The following PTK2B variants were observed in gnomAD, a reference collection of about 807,000 sequenced individuals.
PTK2B encodes the protein protein-tyrosine kinase 2-beta.
PTK2B carries 71 observed loss-of-function variants against 142.9 expected under a neutral mutation model. That is an observed-to-expected ratio of 0.50 (90% confidence interval 0.41 to 0.61). The LOEUF (loss-of-function observed/expected upper bound fraction) is 0.61. Ranked by LOEUF, PTK2B falls within the 20% of genes least tolerant of loss-of-function variation. The probability of loss-of-function intolerance (pLI) is 0.00; values close to 1 mark genes in which losing one functional copy is unlikely to be tolerated. For synonymous variants in PTK2B, 519 were observed against 503.4 expected, an observed-to-expected ratio of 1.03 and a Z score of -0.42; for missense variants, 1,105 against 1,320.4, an observed-to-expected ratio of 0.84 and a Z score of 2.53.
chr8:27,375,694 C>T (rs1029565917), intron 1 of PTK2B, among the ~76,000 whole-genome samples: 3 of 152,182 alleles, frequency 2.0e-5, no homozygotes, highest in Non-Finnish European at 4.4e-5. Context: ...CGTGTTCTTT[C>T]CCTGTCCCAT....
At chr8:27,335,595 CAAAAAAAAAA>C (rs900959610) in intron 1 of PTK2B, among the ~76,000 whole-genome samples, 27 of 74,330 alleles carry the variant, frequency 3.6e-4, no homozygotes, top group Admixed American at 7.8e-4. Flanking sequence ...AACACTGTCT[CAAAAAAAAAA>C]AAAAAAAAAG....
Position 27,458,476 on chromosome 8 carries a change from T to G in PTK2B, c.2997T>G (p.Val999=). The part of the protein sequence containing the change: ...NLLDAVDQAK[V]LANLAHPPAE ...TCGACGCTGTGGACCAGGCCAAGGT[T>G]CTGGCCAATCTGGCCCACCCACCTG... Residue 999 remains valine (V), a synonymous_variant, in exon 31 of 31, where the codon GTT becomes GTG. Coordinates refer to ENST00000346049, the MANE Select transcript of PTK2B (RefSeq NM_173176.3). The G allele has an allele frequency of 6.3e-7, 1 of 1,586,592 alleles. No homozygotes were observed. Among genetic ancestry groups the G allele is most frequent in the South Asian group, 1.1e-5 (1 of 87,628 alleles).
chr8:27,440,358 G>C lies in PTK2B; in HGVS notation c.1956G>C (p.Pro652=), dbSNP rs147029499. 3 of 1,614,212 alleles carry C rather than the reference G, an allele frequency of 1.9e-6. No homozygotes were observed. Among genetic ancestry groups the C allele is most frequent in the Middle Eastern group, 1.7e-4 (1 of 6,060 alleles). ...DRLPKPDLCP[P]VLYTLMTRCW... is the part of the protein sequence containing the mutation. ...TGCCCAAGCCTGATCTCTGTCCACC[G>C]GTCCTTTATACCCTCATGACCCGCT... is the stretch of plus-strand genomic sequence containing the variant. The change falls in exon 21 of 31, where the codon CCG becomes CCC. Residue 652 remains proline, a synonymous_variant. Coordinates refer to ENST00000346049, the MANE Select transcript of PTK2B (RefSeq NM_173176.3).
chr8:27,380,634 A>G (rs991161734), intron 1 of PTK2B: 1 of 152,162 alleles, frequency 6.6e-6, no homozygotes, highest in African/African-American at 2.4e-5. Context: ...GCTCTAAAAT[A>G]AGAGACTCAG....
At chr8:27,455,820 G>A (rs1289171839) in intron 30 of PTK2B, among the ~76,000 whole-genome samples, 1 of 152,236 alleles carries the variant, frequency 6.6e-6, no homozygotes, top group Non-Finnish European at 1.5e-5. Flanking sequence ...GTAATTTGTT[G>A]CCAAAGCCAT....
intron 1 of PTK2B, among the ~76,000 whole-genome samples, chr8:27,389,548 G>A (rs958583594): frequency 4.6e-5 from 7 of 152,164 alleles, no homozygotes; most frequent in East Asian, 1.9e-4. Context: ...CTCCTGCCCC[G>A]CAAGACCCCC....
chr8:27,418,293 G>A (rs750516627), intron 2 of PTK2B, among the ~76,000 whole-genome samples: 77 of 152,328 alleles, frequency 5.1e-4, no homozygotes, highest in Non-Finnish European at 9.0e-4. Context: ...CGAGACAGAT[G>A]GGTGCCCAGG....
At chr8:27,321,455 A>G (rs1803215097), upstream of PTK2B, among the ~76,000 whole-genome samples, 1 of 152,224 alleles carries the variant, frequency 6.6e-6, no homozygotes, top group African/African-American at 2.4e-5. Context: ...AAGCAACTTA[A>G]ATTTCTTTCT....
chr8:27,401,645 A>G (rs6999314), intron 2 of PTK2B, among the ~76,000 whole-genome samples: 7,893 of 152,328 alleles, frequency 0.052, 693 homozygotes, highest in African/African-American at 0.18. Flanking sequence ...AAGTTTGGCT[A>G]TTTAAACCAT....
intron 18 of PTK2B, chr8:27,438,087 T>C: frequency 1.9e-6 from 1 of 537,354 alleles, no homozygotes. Context: ...CTCATGGGGT[T>C]GTTACGAGTA....
chr8:27,443,904 C>T lies in PTK2B; in HGVS notation c.2149-302C>T, dbSNP rs561315967. On this transcript the variant is annotated intron_variant, in intron 22 of 30. Transcript: ENST00000346049. ...CTCCTACCTCTGCATGCCTGTGGCT[C>T]TGGAGCTCTGACTTGGTGGGTGCTC... Among the ~76,000 whole-genome samples, 3 of 152,304 alleles carry T rather than the reference C, an allele frequency of 2.0e-5. No homozygotes were observed. In the South Asian group the frequency reaches 6.2e-4, roughly 32 times the overall value.
intron 2 of PTK2B, among the ~76,000 whole-genome samples, chr8:27,312,761 C>T (rs917057498): frequency 1.3e-5 from 2 of 152,152 alleles, no homozygotes; most frequent in Non-Finnish European, 2.9e-5. Flanking sequence ...AGTCTTGAAA[C>T]CTTAAAATAT....
chr8:27,334,720 C>T (rs570591973), intron 1 of PTK2B, among the ~76,000 whole-genome samples: 1 of 152,120 alleles, frequency 6.6e-6, no homozygotes, highest in Non-Finnish European at 1.5e-5. Context: ...ACGGAGTGAG[C>T]CAGACAGCGC....
At chr8:27,415,806 T>C (rs1277572891) in intron 2 of PTK2B, among the ~76,000 whole-genome samples, 3 of 152,204 alleles carry the variant, frequency 2.0e-5, no homozygotes, top group East Asian at 3.8e-4. Flanking sequence ...TATAAACTAC[T>C]TAGAAATAAA....
intron 1 of PTK2B, among the ~76,000 whole-genome samples, chr8:27,349,786 CAACATGCCTAA>C (rs1804937073): frequency 3.3e-5 from 5 of 152,192 alleles, no homozygotes; most frequent in Admixed American, 3.3e-4. Flanking sequence ...AATGAGATTC[CAACATGCCTAA>C]AACCCCCTTA....
At chr8:27,375,663 A>G (rs1181456575) in intron 1 of PTK2B, among the ~76,000 whole-genome samples, 1 of 152,032 alleles carries the variant, frequency 6.6e-6, no homozygotes, top group African/African-American at 2.4e-5. Flanking sequence ...ACCAGACCCC[A>G]CGTCTCCTGC....
intron 1 of PTK2B, among the ~76,000 whole-genome samples, chr8:27,375,727 C>T (rs957359585): frequency 2.6e-5 from 4 of 152,188 alleles, no homozygotes; most frequent in African/African-American, 9.7e-5. Context: ...GAGTGGGCAC[C>T]TCCCTCCTCC....
chr8:27,340,846 C>T (rs1346551166), intron 1 of PTK2B, among the ~76,000 whole-genome samples: 1 of 152,172 alleles, frequency 6.6e-6, no homozygotes, highest in Non-Finnish European at 1.5e-5. Context: ...CGCTGGCCAG[C>T]AGGGCTGGTG....
At position 27,329,000 on chromosome 8, in the gene PTK2B, C is replaced by T. The variant is rs148018301; in HGVS notation, c.-38+3319C>T. On this transcript the variant is annotated intron_variant, in intron 1 of 30. Coordinates refer to ENST00000346049, the MANE Select transcript of PTK2B (RefSeq NM_173176.3). ...TTGCCCAGGCTGGAGTGCAGTGGCGCGATCTCAGCTCACTGCAACCTCTGC... is the reference window on the plus strand; with the variant it reads ...TTGCCCAGGCTGGAGTGCAGTGGCGTGATCTCAGCTCACTGCAACCTCTGC... 4.7e-3 allele frequency among the ~76,000 whole-genome samples: 716 copies of T among 151,560 alleles called. 4 individuals are homozygous for T. Among genetic ancestry groups the T allele is most frequent in the African/African-American group, 0.017 (682 of 41,242 alleles).
Sources: allele counts gnomAD v4.1 joint callset (sites outside exome capture counted in the v4.1 genomes callset), GRCh38; gene constraint gnomAD v4.1.1; transcripts MANE v1.5; gene names NCBI Gene and HGNC (gene_info 2026-07-23, HGNC 2026-07-21).